Variants in TM9SF4 observed in about 807,000 individuals in gnomAD.
TM9SF4 encodes the protein dinucleotide oxidase disulfide thiol exchanger 3 superfamily member 4.
Under a neutral mutation model 90.4 loss-of-function variants are expected in TM9SF4, and 26 were observed. That is an observed-to-expected ratio of 0.29 (90% CI 0.21 to 0.40). TM9SF4 has a LOEUF of 0.40. Among genes scored for constraint, TM9SF4 ranks in the 10% least tolerant of loss-of-function variants. The pLI is 1.00. For synonymous variants in TM9SF4, 293 were observed against 315.4 expected (o/e 0.93, Z 0.75); for missense variants, 549 against 834.8 (o/e 0.66, Z 4.22).
chr20:32,114,754 G>T lies in TM9SF4; in HGVS notation c.15+4999G>T, dbSNP rs1376956934. Among the ~76,000 whole-genome samples the T allele has an allele frequency of 3.3e-5, 5 of 152,320 alleles. No individual in the cohort carries two copies. In the East Asian group the frequency reaches 9.7e-4, roughly 29 times the overall value. On this transcript the variant is annotated intron_variant, in intron 1 of 17. Coordinates refer to ENST00000398022, the MANE Select transcript of TM9SF4 (RefSeq NM_014742.4). ...TGTGCAGGAAGTTGCTGTCTCCTCTGGACCCCATGTACAGGAGGACATGAG... is the reference window on the plus strand; with the variant it reads ...TGTGCAGGAAGTTGCTGTCTCCTCTTGACCCCATGTACAGGAGGACATGAG...
intron 3 of TM9SF4, among the ~76,000 whole-genome samples, chr20:32,141,216 C>CAAAGAAAAAAAAAAAAAAAA (rs1569080288): frequency 3.8e-5 from 1 of 26,016 alleles, no homozygotes. Flanking sequence ...GACTCCATCT[C>CAAAGAAAAAAAAAAAAAAAA]AAAAAAAAAA....
chr20:32,160,043 T>A lies in TM9SF4; in HGVS notation c.1621T>A (p.Phe541Ile), dbSNP rs2046991597. The change falls in exon 16 of 18, where the codon TTC becomes ATC. Residue 541 changes from phenylalanine (F) to isoleucine (I), a missense_variant. By Grantham distance (21) the Phe-to-Ile change is conservative (BLOSUM62 0). Around this residue, in one of 2 missense-constraint regions of TM9SF4, gnomAD observed 495 missense variants for 711.7 expected, o/e 0.70. Transcript: ENST00000398022. Reference sequence around the variant, plus strand: ...CCTCTTTGGCTTCCTGTTCCTTGTTTTCATCATCCTGGTGGTATCCTGTTC... The same window carrying A: ...CCTCTTTGGCTTCCTGTTCCTTGTTATCATCATCCTGGTGGTATCCTGTTC... ...YYLFGFLFLV[F>I]IILVVSCSQI... 2 of 1,614,260 alleles carry A rather than the reference T, an allele frequency of 1.2e-6. No individual in the cohort carries two copies. Among genetic ancestry groups the A allele is most frequent in the East Asian group, 2.2e-5 (1 of 44,890 alleles).
chr20:32,154,871 T>C (rs535844227), intron 12 of TM9SF4, among the ~76,000 whole-genome samples: 1 of 152,244 alleles, frequency 6.6e-6, no homozygotes, highest in Admixed American at 6.5e-5. Context: ...AGCCAAAATA[T>C]GTAATTACGA....
intron 6 of TM9SF4, 52 bp from the exon 7 acceptor site, chr20:32,145,039 G>C (rs377106533): frequency 1.3e-6 from 2 of 1,569,946 alleles, no homozygotes; most frequent in Non-Finnish European, 1.8e-6. Flanking sequence ...AATAGCCCCT[G>C]GGCAGTGGCA....
chr20:32,157,893 T>C lies in TM9SF4; in HGVS notation c.1429T>C (p.Tyr477His), dbSNP rs1569106242. The change falls in exon 14 of 18, where the codon TAT becomes CAT. Residue 477 changes from tyrosine to histidine, a missense_variant. Around this residue, in one of 2 missense-constraint regions of TM9SF4, gnomAD observed 495 missense variants for 711.7 expected, o/e 0.70. Transcript: ENST00000398022. ...GYYFGFRKQP[Y>H]DNPVRTNQIP... ...CTACTTCGGCTTCCGAAAGCAGCCA[T>C]ATGACAACCCTGTGCGCACCAACCA... is the stretch of plus-strand genomic sequence containing the variant. The C allele has an allele frequency of 6.2e-6, 10 of 1,614,108 alleles. No individual in the cohort carries two copies. Among genetic ancestry groups the C allele is most frequent in the African/African-American group, 2.7e-5 (2 of 75,016 alleles).
chr20:32,110,126 C>T (rs1209419198), intron 1 of TM9SF4: 1 of 1,051,310 alleles, frequency 9.5e-7, no homozygotes, highest in African/African-American at 1.6e-5. Flanking sequence ...TCCTCCCCGT[C>T]ACGTCCAGAC....
At chr20:32,122,469 G>A (rs2046336431) in intron 1 of TM9SF4, among the ~76,000 whole-genome samples, 1 of 150,630 alleles carries the variant, frequency 6.6e-6, no homozygotes. Context: ...GCCGGGCGGA[G>A]GGTCTCCTCA....
At chr20:32,149,059 A>T (rs937391320) in intron 9 of TM9SF4, among the ~76,000 whole-genome samples, 1 of 152,238 alleles carries the variant, frequency 6.6e-6, no homozygotes, top group Admixed American at 6.5e-5. Flanking sequence ...CAAAGTACAT[A>T]GTGTGATCCC....
chr20:32,113,281 G>A (rs538951769), intron 1 of TM9SF4, among the ~76,000 whole-genome samples: 1 of 152,246 alleles, frequency 6.6e-6, no homozygotes, highest in Non-Finnish European at 1.5e-5. Flanking sequence ...GGGTTGAGCC[G>A]CCAGCTCCCA....
chr20:32,155,325 A>G, intron 13 of TM9SF4, 139 bp downstream of exon 13: 2 of 774,464 alleles, frequency 2.6e-6, no homozygotes, highest in South Asian at 3.1e-5. Context: ...CCATGAGGGC[A>G]GAGGGCCAGC....
chr20:32,123,867 T>TATATATA (rs1555882288), intron 1 of TM9SF4, among the ~76,000 whole-genome samples: 17 of 48,010 alleles, frequency 3.5e-4, no homozygotes, highest in Non-Finnish European at 5.7e-4. Context: ...TATATATATA[T>TATATATA]TTTTTTTTTT....
chr20:32,150,680 C>T lies in TM9SF4; in HGVS notation c.1146C>T (p.Ala382=). The change falls in exon 11 of 18, where the codon GCC becomes GCT. Residue 382 remains alanine (A), a synonymous_variant. Transcript: ENST00000398022. ...PSSRGALMTT[A]CFLFMFMGVF... ...GCCGGGGAGCTCTCATGACCACAGCCTGCTTCCTCTTCATGTTCATGGGGT... is the reference window on the plus strand; with the variant it reads ...GCCGGGGAGCTCTCATGACCACAGCTTGCTTCCTCTTCATGTTCATGGGGT... 1 of 1,614,260 alleles carries T rather than the reference C, an allele frequency of 6.2e-7. No individual in the cohort carries two copies. The highest frequency in any genetic ancestry group is 8.5e-7 in the Non-Finnish European group (1 of 1,180,054).
At chr20:32,139,481 T>C (rs2046640101) in intron 3 of TM9SF4, among the ~76,000 whole-genome samples, 1 of 152,166 alleles carries the variant, frequency 6.6e-6, no homozygotes, top group South Asian at 2.1e-4. Context: ...CTGTGTACTC[T>C]TCTCTACCCT....
At chr20:32,109,817 C>A (rs992708594) in intron 1 of TM9SF4, 62 bp downstream of exon 1, 1 of 1,550,674 alleles carries the variant, frequency 6.4e-7, no homozygotes, top group South Asian at 1.2e-5. Context: ...ATCCCAGGAT[C>A]TTCCAGCACC....
intron 13 of TM9SF4, among the ~76,000 whole-genome samples, chr20:32,156,720 C>T (rs2046927073): frequency 6.6e-6 from 1 of 151,982 alleles, no homozygotes; most frequent in South Asian, 2.1e-4. Flanking sequence ...GGTCCTCCCA[C>T]CTCAGCCCCA....
At chr20:32,141,145 A>G (rs2046670078) in intron 3 of TM9SF4, among the ~76,000 whole-genome samples, 1 of 141,128 alleles carries the variant, frequency 7.1e-6, no homozygotes, top group South Asian at 2.3e-4. Context: ...TGAACCCAGG[A>G]GGCAGAGTTC....
chr20:32,147,384 G>A (rs549515890), intron 9 of TM9SF4, among the ~76,000 whole-genome samples: 2 of 152,102 alleles, frequency 1.3e-5, no homozygotes, highest in African/African-American at 2.4e-5. Context: ...CATAAAAACC[G>A]TGGAAGAAAT....
chr20:32,117,643 C>A (rs115406959), intron 1 of TM9SF4, among the ~76,000 whole-genome samples: 5 of 151,344 alleles, frequency 3.3e-5, no homozygotes, highest in African/African-American at 1.2e-4. Context: ...CCCCGCCCCC[C>A]CAAGAATAAA....
chr20:32,160,796 A>T (rs1296510393), intron 16 of TM9SF4, among the ~76,000 whole-genome samples: 1 of 151,818 alleles, frequency 6.6e-6, no homozygotes, highest in South Asian at 2.1e-4. Flanking sequence ...TAAAAATACA[A>T]AAAGTTAGCC....
Sources: allele counts gnomAD v4.1 joint callset (sites outside exome capture counted in the v4.1 genomes callset), GRCh38; gene constraint gnomAD v4.1.1; regional missense constraint gnomAD v4.1.1; transcripts MANE v1.5; gene names NCBI Gene and HGNC (gene_info 2026-07-23, HGNC 2026-07-21).